Variants in CCER1 observed in about 807,000 individuals in gnomAD.
CCER1 encodes the protein coiled-coil glutamate rich protein 1.
For missense variants in CCER1, 573 were observed against 524.5 expected (o/e 1.09, Z -0.90); for synonymous variants, 246 against 213.8 (o/e 1.15, Z -1.31).
Position 90,953,467 on chromosome 12 carries a change from A to G in CCER1, c.*55T>C. On this transcript the variant is annotated 3_prime_UTR_variant, in exon 1 of 1. Transcript: ENST00000358859. ...TTAATCAGTTTTTAATAAATTGCTAATCCAGTTTAGCCTCAAATCAGTTCC... is the reference window on the plus strand; with the variant it reads ...TTAATCAGTTTTTAATAAATTGCTAGTCCAGTTTAGCCTCAAATCAGTTCC... The G allele has an allele frequency of 2.6e-6, 4 of 1,531,258 alleles. No homozygotes were observed. Among genetic ancestry groups the G allele is most frequent in the Non-Finnish European group, 3.5e-6 (4 of 1,144,220 alleles). 94.9% of individuals were successfully genotyped at this position (1,531,258 alleles called of 1,614,324 possible).
At position 90,953,690 on chromosome 12, in the gene CCER1, C is replaced by T. The variant is rs1876541320; in HGVS notation, c.1053G>A (p.Glu351=). 1.2e-6 allele frequency: 2 copies of T among 1,614,018 alleles called. No homozygotes were observed. Among genetic ancestry groups the T allele is most frequent in the Non-Finnish European group, 1.7e-6 (2 of 1,179,898 alleles). ...GCAAGTGAAATTCTTCCCCTCTCTG[C>T]TCGTTCTCCTCCAGGACCTCCTCTT... ...EEEEEVLEEN[E]QRGEEFHLPL... The change falls in exon 1 of 1, where the codon GAG becomes GAA. Residue 351 remains glutamate (E), a synonymous_variant. Coordinates refer to ENST00000358859, the MANE Select transcript of CCER1 (RefSeq NM_152638.4).
chr12:90,954,085 T>A lies in CCER1; in HGVS notation c.658A>T (p.Thr220Ser). Residue 220 changes from threonine (T) to serine (S), a missense_variant, in exon 1 of 1, where the codon ACG becomes TCG. Coordinates refer to ENST00000358859, the MANE Select transcript of CCER1 (RefSeq NM_152638.4). ...QQEALRAQKA[T>S]VSGEASPARS... ...GCTGGGGAGGCCTCGCCGCTCACCG[T>A]GGCCTTCTGCGCCCGCAGCGCCTCC... 6.2e-7 allele frequency: 1 copy of A among 1,613,616 alleles called. No homozygotes were observed. Among genetic ancestry groups the A allele is most frequent in the Non-Finnish European group, 8.5e-7 (1 of 1,180,004 alleles).
chr12:90,953,800 C>T lies in CCER1; in HGVS notation c.943G>A (p.Glu315Lys), dbSNP rs1437614857. Residue 315 changes from glutamate to lysine, a missense_variant, in exon 1 of 1, where the codon GAA becomes AAA. Physicochemically the swap from Glu to Lys is moderately conservative, Grantham distance 56 (BLOSUM62 1). Transcript: ENST00000358859. ...TCGACCTCTTCTTCCTCCTCATCTT[C>T]GACCTCTTCCTCCTCATCTTCGACC... ...EEVEDEEEEV[E>K]DEEEEEVEEA... The T allele has an allele frequency of 1.3e-6, 2 of 1,498,648 alleles. No individual in the cohort carries two copies. The highest frequency in any genetic ancestry group is 1.4e-5 in the African/African-American group (1 of 72,766). The allele number at this position is 1,498,648 out of a possible 1,614,324, so 92.8% of individuals were successfully genotyped here. A position where few individuals can be genotyped will look rare whatever the true frequency, so the allele number is the denominator to read the frequency against.
rs1314655544 is a variant in CCER1, at chr12:90,954,775, G to A, written c.-33C>T. On this transcript the variant is annotated 5_prime_UTR_variant, in exon 1 of 1. Transcript: ENST00000358859. ...GGAGCTCCGAGAGGTCCAGATGGTAGCGACCTGAAGCTGTCGTCAAGTTTT... is the reference window on the plus strand; with the variant it reads ...GGAGCTCCGAGAGGTCCAGATGGTAACGACCTGAAGCTGTCGTCAAGTTTT... The A allele has an allele frequency of 2.0e-6, 3 of 1,513,504 alleles. No homozygotes were observed. In the East Asian group the frequency reaches 7.4e-5, roughly 37 times the overall value. The allele number at this position is 1,513,504 out of a possible 1,614,324, so 93.8% of individuals were successfully genotyped here.
In CCER1 at chr12:90,954,068, G is replaced by A; in HGVS notation, c.675C>T (p.Ala225=). 2 of 1,613,894 alleles carry A rather than the reference G, an allele frequency of 1.2e-6. No individual in the cohort carries two copies. The highest frequency in any genetic ancestry group is 1.7e-6 in the Non-Finnish European group (2 of 1,180,026). ...RAQKATVSGE[A]SPARSSGNDA... is the part of the protein sequence containing the mutation. ...CGTTTCCGGAGGATCTGGCTGGGGA[G>A]GCCTCGCCGCTCACCGTGGCCTTCT... The change falls in exon 1 of 1, where the codon GCC becomes GCT. Residue 225 remains alanine (A), a synonymous_variant. Coordinates refer to ENST00000358859, the MANE Select transcript of CCER1 (RefSeq NM_152638.4).
In CCER1 at chr12:90,954,592, G is replaced by A; in HGVS notation, c.151C>T (p.Pro51Ser). 1.2e-6 allele frequency: 2 copies of A among 1,613,934 alleles called. No homozygotes were observed. The highest frequency in any genetic ancestry group is 8.5e-7 in the Non-Finnish European group (1 of 1,179,996). The change falls in exon 1 of 1, where the codon CCG becomes TCG. Residue 51 changes from proline (P) to serine (S), a missense_variant. Physicochemically the swap from Pro to Ser is moderately conservative, Grantham distance 74. Transcript: ENST00000358859. Reference protein sequence around the residue: ...RRPGAPAYNRPHRYSPKTEYG... With the variant: ...RRPGAPAYNRSHRYSPKTEYG... ...TCGGTCTTGGGGCTATATCGGTGCG[G>A]TCTATTGTACGCTGGAGCACCCGGG...
rs369040462 is a variant in CCER1 at position 90,953,325 on chromosome 12, T to C, written c.*197A>G. 2.0e-5 allele frequency: 10 copies of C among 495,072 alleles called. No homozygotes were observed. Among genetic ancestry groups the C allele is most frequent in the East Asian group, 3.3e-5 (1 of 30,416 alleles). The allele number at this position is 495,072 out of a possible 1,614,324, so 30.7% of individuals were successfully genotyped here. A position where few individuals can be genotyped will look rare whatever the true frequency, so the allele number is the denominator to read the frequency against. ...TTTAATCAGTTCCAGTAAAATTATA[T>C]TTGAAAGCTTCCCCACCACCCACCC... On this transcript the variant is annotated 3_prime_UTR_variant, in exon 1 of 1. Transcript: ENST00000358859.
rs1395247917 is a variant in CCER1, at chr12:90,954,307, T to C, written c.436A>G (p.Arg146Gly). 3 of 1,602,222 alleles carry C rather than the reference T, an allele frequency of 1.9e-6. No homozygotes were observed. Among genetic ancestry groups the C allele is most frequent in the Non-Finnish European group, 2.5e-6 (3 of 1,178,288 alleles). Residue 146 changes from arginine (R) to glycine (G), a missense_variant, in exon 1 of 1, where the codon AGA becomes GGA. Physicochemically the swap from Arg to Gly is moderately radical, Grantham distance 125 (BLOSUM62 -2). Coordinates refer to ENST00000358859, the MANE Select transcript of CCER1 (RefSeq NM_152638.4). ...PPGRKKRWGR[R>G]GRGLRHHPRH... ...GGGTGGTGGCGCAGGCCGCGGCCTC[T>C]GCGGCCCCAGCGCTTCTTCCTGCCT... is the stretch of plus-strand genomic sequence containing the variant.
rs1307294771 is a variant in CCER1, at chr12:90,954,928, G to A, written c.-186C>T. 4.2e-6 allele frequency: 5 copies of A among 1,178,348 alleles called. 1 individual carries two copies. The highest frequency in any genetic ancestry group is 3.3e-5 in the South Asian group (2 of 60,718). 73.0% of individuals were successfully genotyped at this position (1,178,348 alleles called of 1,614,324 possible). A position where few individuals can be genotyped will look rare whatever the true frequency, so the allele number is the denominator to read the frequency against. ...TCTCTTCCTGGTTTGCACGCTCTTCGGTAGTAATCGCTTGTCCTTCGCACC... is the reference window on the plus strand; with the variant it reads ...TCTCTTCCTGGTTTGCACGCTCTTCAGTAGTAATCGCTTGTCCTTCGCACC... On this transcript the variant is annotated 5_prime_UTR_variant, in exon 1 of 1. Coordinates refer to ENST00000358859, the MANE Select transcript of CCER1 (RefSeq NM_152638.4).
rs770226812 is a variant in CCER1 at position 90,954,148 on chromosome 12, C to G, written c.595G>C (p.Glu199Gln). The change falls in exon 1 of 1, where the codon GAG becomes CAG. Residue 199 changes from glutamate to glutamine, a missense_variant. Physicochemically the swap from Glu to Gln is conservative, Grantham distance 29. Transcript: ENST00000358859. The stretch of plus-strand genomic sequence containing the variant: ...ACCTTCTCCTGCTGCCTCATGTCCT[C>G]GTAGATCTGGTTCATGATGAATTGG... ...TTQFIMNQIY[E>Q]DMRQQEKVER... 7.4e-6 allele frequency: 12 copies of G among 1,611,674 alleles called. No homozygotes were observed. The highest frequency in any genetic ancestry group is 2.2e-5 in the East Asian group (1 of 44,860).
In CCER1 at chr12:90,954,404, G is replaced by C. The variant is rs199580196; in HGVS notation, c.339C>G (p.Gly113=). The C allele has an allele frequency of 1.2e-6, 2 of 1,612,162 alleles. No homozygotes were observed. The highest frequency in any genetic ancestry group is 2.7e-5 in the African/African-American group (2 of 74,910). Residue 113 remains glycine, a synonymous_variant, in exon 1 of 1, where the codon GGC becomes GGG. Coordinates refer to ENST00000358859, the MANE Select transcript of CCER1 (RefSeq NM_152638.4). The stretch of plus-strand genomic sequence containing the variant: ...AGCAGCAAAAGCAGAGAGGGTGCAG[G>C]CCATACACCCGAAACACTTGCACCG... The part of the protein sequence containing the change: ...PCPVQVFRVY[G]LHPLCFCCCS...
rs1876543963 is a variant in CCER1, at chr12:90,953,734, C to T, written c.1009G>A (p.Glu337Lys). The T allele has an allele frequency of 1.3e-6, 2 of 1,592,460 alleles. No homozygotes were observed. The highest frequency in any genetic ancestry group is 1.7e-6 in the Non-Finnish European group (2 of 1,160,436). ...TCCTCTTCCTCTTCCAGCTCCTCCT[C>T]TTCCAGCTCCTCCTCTCCCTCCTCC... ...YVEEGEEELEEEELEEEEEVL... is the reference protein window; with the variant it reads ...YVEEGEEELEKEELEEEEEVL... Residue 337 changes from glutamate (E) to lysine (K), a missense_variant, in exon 1 of 1, where the codon GAG becomes AAG. Coordinates refer to ENST00000358859, the MANE Select transcript of CCER1 (RefSeq NM_152638.4).
chr12:90,954,114 T>G lies in CCER1; in HGVS notation c.629A>C (p.Gln210Pro). Residue 210 changes from glutamine to proline, a missense_variant, in exon 1 of 1, where the codon CAG becomes CCG. Transcript: ENST00000358859. ...CTTCTGCGCCCGCAGCGCCTCCTGC[T>G]GACGCTCCACCTTCTCCTGCTGCCT... ...DMRQQEKVER[Q>P]QEALRAQKAT... 1 of 1,612,798 alleles carries G rather than the reference T, an allele frequency of 6.2e-7. No individual in the cohort carries two copies. The highest frequency in any genetic ancestry group is 8.5e-7 in the Non-Finnish European group (1 of 1,179,966).
Position 90,953,420 on chromosome 12 carries a change from G to A in CCER1, c.*102C>T. On this transcript the variant is annotated 3_prime_UTR_variant, in exon 1 of 1. Transcript: ENST00000358859. ...CCAAAGAAGGTGTTTACATAGATCT[G>A]TTTATTAATGGAACTCACTTTTTAA... 7.3e-7 allele frequency: 1 copy of A among 1,368,132 alleles called. No homozygotes were observed. The highest frequency in any genetic ancestry group is 2.4e-5 in the East Asian group (1 of 40,960). The allele number at this position is 1,368,132 out of a possible 1,614,324, so 84.7% of individuals were successfully genotyped here. A position where few individuals can be genotyped will look rare whatever the true frequency, so the allele number is the denominator to read the frequency against.
chr12:90,954,170 T>C lies in CCER1; in HGVS notation c.573A>G (p.Gln191=), dbSNP rs756279053. 4 of 1,610,520 alleles carry C rather than the reference T, an allele frequency of 2.5e-6. No individual in the cohort carries two copies. In the African/African-American group the frequency reaches 4.0e-5, roughly 16 times the overall value. Residue 191 remains glutamine (Q), a synonymous_variant, in exon 1 of 1, where the codon CAA becomes CAG. Coordinates refer to ENST00000358859, the MANE Select transcript of CCER1 (RefSeq NM_152638.4). The part of the protein sequence containing the change: ...PGMRAPPNTT[Q]FIMNQIYEDM... ...CCTCGTAGATCTGGTTCATGATGAA[T>C]TGGGTGGTGTTGGGCGGCGCTCGCA...
Position 90,954,088 on chromosome 12 carries a change from C to A in CCER1, c.655G>T (p.Ala219Ser). The A allele has an allele frequency of 6.2e-7, 1 of 1,613,456 alleles. No individual in the cohort carries two copies. Among genetic ancestry groups the A allele is most frequent in the Non-Finnish European group, 8.5e-7 (1 of 1,179,984 alleles). ...GGGGAGGCCTCGCCGCTCACCGTGG[C>A]CTTCTGCGCCCGCAGCGCCTCCTGC... Reference protein sequence around the residue: ...RQQEALRAQKATVSGEASPAR... With the variant: ...RQQEALRAQKSTVSGEASPAR... Residue 219 changes from alanine to serine, a missense_variant, in exon 1 of 1, where the codon GCC (alanine) becomes TCC (serine). Ala to Ser is a moderately conservative substitution (Grantham distance 99). Transcript: ENST00000358859.
Position 90,954,877 on chromosome 12 carries a change from T to A in CCER1, c.-135A>T, listed in dbSNP as rs1406358453. ...CAGCGCCACGTGTCTACCCCTGGGA[T>A]CACGTTTTCCTCTCCAGGAGGCTGC... On this transcript the variant is annotated 5_prime_UTR_variant, in exon 1 of 1. Transcript: ENST00000358859. The A allele has an allele frequency of 2.1e-6, 3 of 1,441,990 alleles. No individual in the cohort carries two copies. The highest frequency in any genetic ancestry group is 2.7e-6 in the Non-Finnish European group (3 of 1,091,904). The allele number at this position is 1,441,990 out of a possible 1,614,324, so 89.3% of individuals were successfully genotyped here.
rs138371183 is a variant in CCER1 at position 90,954,533 on chromosome 12, C to G, written c.210G>C (p.Gln70His). 1.9e-6 allele frequency: 3 copies of G among 1,613,236 alleles called. No individual in the cohort carries two copies. Among genetic ancestry groups the G allele is most frequent in the African/African-American group, 1.3e-5 (1 of 75,020 alleles). ...YGPPRKQPKQ[Q>H]HGPGFWFQPP... is the part of the protein sequence containing the mutation. ...GTTGGAACCAAAAGCCCGGGCCGTG[C>G]TGTTGCTTCGGCTGCTTCCTTGGGG... Residue 70 changes from glutamine to histidine, a missense_variant, in exon 1 of 1, where the codon CAG becomes CAC. Transcript: ENST00000358859.
Position 90,953,635 on chromosome 12 carries a change from C to T in CCER1, c.1108G>A (p.Glu370Lys). Residue 370 changes from glutamate to lysine, a missense_variant, in exon 1 of 1, where the codon GAG becomes AAG. Coordinates refer to ENST00000358859, the MANE Select transcript of CCER1 (RefSeq NM_152638.4). ...AAGTTCTCTCTCTTTTCTTCAGCCT[C>T]TACGAAGATTGATAAAGGCATTTCC... ...PLEMPLSIFVEAEEKRENFIS... is the reference protein window; with the variant it reads ...PLEMPLSIFVKAEEKRENFIS... The T allele has an allele frequency of 6.2e-7, 1 of 1,614,180 alleles. No homozygotes were observed. The highest frequency in any genetic ancestry group is 8.5e-7 in the Non-Finnish European group (1 of 1,180,030).
Sources: allele counts gnomAD v4.1 joint callset, GRCh38; gene constraint gnomAD v4.1.1; transcripts MANE v1.5; gene names NCBI Gene and HGNC (gene_info 2026-07-23, HGNC 2026-07-21).